Variants in CDK14 observed in about 807,000 individuals in gnomAD.
CDK14 encodes cyclin-dependent kinase 14.
CDK14 carries 34 observed loss-of-function variants against 60.7 expected under a neutral mutation model. The ratio of observed to expected loss-of-function variants is 0.56; its 90% CI spans 0.43 to 0.75. The LOEUF is 0.75. Ranked by LOEUF, CDK14 falls within the 30% of genes least tolerant of loss-of-function variation. The pLI is 0.00. For synonymous variants in CDK14, 197 were observed against 203.7 expected (o/e 0.97, Z 0.28); for missense variants, 482 against 564.1 (o/e 0.85, Z 1.47).
At chr7:90,610,749 T>C (rs1352843841) in intron 2 of CDK14, among the ~76,000 whole-genome samples, 1 of 152,192 alleles carries the variant, frequency 6.6e-6, no homozygotes, top group Non-Finnish European at 1.5e-5. Context: ...TTTCCCCTTT[T>C]TACAAGGATA....
intron 12 of CDK14, among the ~76,000 whole-genome samples, chr7:91,085,778 T>C (rs1798622543): frequency 6.6e-6 from 1 of 152,182 alleles, no homozygotes; most frequent in Admixed American, 6.5e-5. Flanking sequence ...TCACAACTGG[T>C]ATCTTTAAAA....
chr7:90,816,192 T>A (rs912287224), intron 5 of CDK14, among the ~76,000 whole-genome samples: 5 of 152,188 alleles, frequency 3.3e-5, no homozygotes, highest in African/African-American at 1.2e-4. Context: ...ATAAAATTCC[T>A]ATAAACATAA....
intron 8 of CDK14, among the ~76,000 whole-genome samples, chr7:90,955,458 T>C (rs1373041630): frequency 6.6e-6 from 1 of 152,218 alleles, no homozygotes; most frequent in African/African-American, 2.4e-5. Context: ...GCTGATATTT[T>C]ATTAGATTCA....
At chr7:90,968,988 T>A (rs1159475022) in intron 9 of CDK14, among the ~76,000 whole-genome samples, 1 of 152,152 alleles carries the variant, frequency 6.6e-6, no homozygotes, top group Non-Finnish European at 1.5e-5. Context: ...CAGCACCCAC[T>A]AGCGCTACTG....
intron 14 of CDK14, among the ~76,000 whole-genome samples, chr7:91,130,607 T>C (rs1333163191): frequency 6.6e-6 from 1 of 152,188 alleles, no homozygotes; most frequent in Non-Finnish European, 1.5e-5. Context: ...CTATATGAAA[T>C]GATTCTGGAT....
chr7:90,603,938 AAGAAG>A (rs1223633429), intron 1 of CDK14, among the ~76,000 whole-genome samples: 1 of 152,224 alleles, frequency 6.6e-6, no homozygotes, highest in Non-Finnish European at 1.5e-5. Flanking sequence ...GTTCCAACTA[AAGAAG>A]AGATAGGGAA....
chr7:90,813,638 A>G (rs946334862), intron 5 of CDK14, among the ~76,000 whole-genome samples: 4 of 152,146 alleles, frequency 2.6e-5, no homozygotes, highest in Non-Finnish European at 5.9e-5. Context: ...AATCCCAGCT[A>G]CTTGGGAGGC....
At chr7:90,636,651 A>C (rs1800157120) in intron 2 of CDK14, among the ~76,000 whole-genome samples, 1 of 151,966 alleles carries the variant, frequency 6.6e-6, no homozygotes, top group Admixed American at 6.6e-5. Context: ...GGCCTCATAA[A>C]ATGAGTTAGG....
intron 5 of CDK14, among the ~76,000 whole-genome samples, chr7:90,830,159 G>A (rs1327577818): frequency 6.6e-6 from 1 of 152,170 alleles, no homozygotes; most frequent in Non-Finnish European, 1.5e-5. Context: ...CCCTAGTAGA[G>A]GTTCTCTATA....
chr7:90,596,931 A>G (rs756848752), intron 1 of CDK14, among the ~76,000 whole-genome samples: 2 of 152,074 alleles, frequency 1.3e-5, no homozygotes, highest in Non-Finnish European at 2.9e-5. Flanking sequence ...GTTCATTTGT[A>G]GATTCTCTCA....
chr7:90,948,998 G>C (rs1407587381), intron 8 of CDK14, among the ~76,000 whole-genome samples: 1 of 152,044 alleles, frequency 6.6e-6, no homozygotes, highest in African/African-American at 2.4e-5. Flanking sequence ...ACTTAAAGTT[G>C]TTATTTCCCA....
intron 5 of CDK14, among the ~76,000 whole-genome samples, chr7:90,838,951 C>T (rs566788297): frequency 5.3e-4 from 81 of 152,290 alleles, no homozygotes; most frequent in African/African-American, 1.9e-3. Context: ...CATATACCCC[C>T]TCCCCTTTTG....
chr7:90,641,708 G>GAGATCATCAAAGTGGATTTTGTTA (rs1224217046), intron 2 of CDK14, among the ~76,000 whole-genome samples: 2 of 152,252 alleles, frequency 1.3e-5, no homozygotes, highest in East Asian at 3.9e-4. Context: ...GGATTTTGTT[G>GAGATCATCAAAGTGGATTTTGTTA]AGATCATCAA....
intron 6 of CDK14, among the ~76,000 whole-genome samples, chr7:90,874,938 C>T (rs1791508908): frequency 6.6e-6 from 1 of 152,136 alleles, no homozygotes; most frequent in African/African-American, 2.4e-5. Flanking sequence ...CTATTCACAA[C>T]GTTGTGGAAC....
intron 2 of CDK14, among the ~76,000 whole-genome samples, chr7:90,724,137 C>G (rs1802549177): frequency 1.3e-5 from 2 of 150,768 alleles, no homozygotes; most frequent in Non-Finnish European, 2.9e-5. Flanking sequence ...TTCATGTTAT[C>G]TATTTTTTTT....
intron 9 of CDK14, among the ~76,000 whole-genome samples, chr7:90,971,814 C>T (rs1794942557): frequency 6.6e-6 from 1 of 151,980 alleles, no homozygotes; most frequent in African/African-American, 2.4e-5. Context: ...ATCATTGGAA[C>T]ATAAGGAACA....
intron 7 of CDK14, among the ~76,000 whole-genome samples, chr7:90,912,734 A>G (rs112027009): frequency 2.0e-4 from 30 of 152,034 alleles, no homozygotes; most frequent in African/African-American, 7.0e-4. Context: ...CAGCCTCCCA[A>G]GTAGCTAGGA....
chr7:91,158,038 G>A (rs1429983090), intron 14 of CDK14, among the ~76,000 whole-genome samples: 1 of 147,988 alleles, frequency 6.8e-6, no homozygotes, highest in Non-Finnish European at 1.5e-5. Flanking sequence ...ATATCCATTT[G>A]CCAAACATTT....
chr7:91,136,919 T>C (rs893497127), intron 14 of CDK14, among the ~76,000 whole-genome samples: 3 of 152,178 alleles, frequency 2.0e-5, no homozygotes, highest in African/African-American at 2.4e-5. Flanking sequence ...TAAAGCACAC[T>C]TTGAAATTCG....
Sources: allele counts gnomAD v4.1 joint callset (sites outside exome capture counted in the v4.1 genomes callset), GRCh38; gene constraint gnomAD v4.1.1; transcripts MANE v1.5; gene names NCBI Gene and HGNC (gene_info 2026-07-23, HGNC 2026-07-21).